Variants in NIPBL observed in about 807,000 individuals in gnomAD.
NIPBL encodes NIPBL cohesin loading factor, also known as nipped-B-like protein.
In NIPBL, 19 loss-of-function variants were observed where a neutral mutation model predicts 321.8. That is an observed-to-expected ratio of 0.06 (90% CI 0.04 to 0.09). NIPBL has a LOEUF of 0.09. Among genes scored for constraint, NIPBL ranks in the 10% least tolerant of loss-of-function variants. The pLI is 1.00. For synonymous variants in NIPBL, 1,106 were observed against 1,114.1 expected, an observed-to-expected ratio of 0.99 and a Z score of 0.14; for missense variants, 2,210 against 3,327.0, an observed-to-expected ratio of 0.66 and a Z score of 8.26.
intron 3 of NIPBL, among the ~76,000 whole-genome samples, chr5:36,957,288 A>G (rs998350865): frequency 2.6e-5 from 4 of 152,166 alleles, no homozygotes; most frequent in Admixed American, 2.0e-4. Flanking sequence ...GCACCATGAC[A>G]TTATTTGAGA....
intron 45 of NIPBL, among the ~76,000 whole-genome samples, chr5:37,061,481 C>T (rs542532480): frequency 6.6e-6 from 1 of 152,210 alleles, no homozygotes; most frequent in East Asian, 1.9e-4. Context: ...AGTTTGAGAC[C>T]AGCCTGGGCA....
intron 4 of NIPBL, among the ~76,000 whole-genome samples, chr5:36,960,544 C>G (rs1370907619): frequency 6.6e-6 from 1 of 152,138 alleles, no homozygotes; most frequent in Non-Finnish European, 1.5e-5. Context: ...GATTTTGAAA[C>G]CTAATTTCAT....
chr5:36,938,197 C>A (rs1297244966), intron 1 of NIPBL, among the ~76,000 whole-genome samples: 1 of 152,044 alleles, frequency 6.6e-6, no homozygotes, highest in Admixed American at 6.6e-5. Context: ...TCCAAAAGAC[C>A]ATGTCCAGCC....
intron 42 of NIPBL, among the ~76,000 whole-genome samples, chr5:37,055,215 A>G (rs1753971211): frequency 6.6e-6 from 1 of 151,976 alleles, no homozygotes; most frequent in African/African-American, 2.4e-5. Flanking sequence ...GCCAGGCATG[A>G]TGGCGCGCAC....
chr5:37,064,438 T>C (rs1755184384), intron 46 of NIPBL, 89 bp from the exon 47 acceptor site: 5 of 1,587,226 alleles, frequency 3.2e-6, no homozygotes, highest in African/African-American at 1.3e-5. Context: ...ACTCCCGGCG[T>C]CAAGGGATTA....
chr5:37,028,986 C>G (rs1750642865), intron 32 of NIPBL, among the ~76,000 whole-genome samples: 1 of 152,166 alleles, frequency 6.6e-6, no homozygotes, highest in Non-Finnish European at 1.5e-5. Context: ...AGTTGTTCCT[C>G]TATCCACCAG....
intron 1 of NIPBL, among the ~76,000 whole-genome samples, chr5:36,910,652 A>G (rs1747978749): frequency 6.6e-6 from 1 of 152,100 alleles, no homozygotes; most frequent in Non-Finnish European, 1.5e-5. Context: ...AGCAATTTGT[A>G]CCTCTTTACT....
At chr5:36,984,495 A>AGG (rs1399653744) in intron 9 of NIPBL, among the ~76,000 whole-genome samples, 181 bp from the exon 10 acceptor site, 2 of 152,128 alleles carry the variant, frequency 1.3e-5, no homozygotes, top group Non-Finnish European at 2.9e-5. Context: ...TATTTCTTCA[A>AGG]ACCTTACCTT....
At chr5:36,878,656 T>A (rs1745277101) in intron 1 of NIPBL, among the ~76,000 whole-genome samples, 1 of 152,254 alleles carries the variant, frequency 6.6e-6, no homozygotes, top group African/African-American at 2.4e-5. Context: ...TTGTGGAGGT[T>A]ATTTTTGAGT....
chr5:36,962,218 G>A lies in NIPBL; in HGVS notation c.554G>A (p.Gly185Glu). 2 of 1,614,020 alleles carry A rather than the reference G, an allele frequency of 1.2e-6. No homozygotes were observed. The highest frequency in any genetic ancestry group is 1.7e-6 in the Non-Finnish European group (2 of 1,179,966). ...CCATACGCCCCACAAAGCCCTGCAGGATACATGCCATATTCCCATCCTTCA... is the reference window on the plus strand; with the variant it reads ...CCATACGCCCCACAAAGCCCTGCAGAATACATGCCATATTCCCATCCTTCA... The part of the protein sequence containing the change: ...PSPYAPQSPA[G>E]YMPYSHPSSY... The change falls in exon 6 of 47, where the codon GGA becomes GAA. Residue 185 changes from glycine (G) to glutamate (E), a missense_variant. Coordinates refer to ENST00000282516, the MANE Select transcript of NIPBL (RefSeq NM_133433.4).
chr5:36,923,108 A>G (rs245588), intron 1 of NIPBL, among the ~76,000 whole-genome samples: 1 of 151,856 alleles, frequency 6.6e-6, no homozygotes, highest in African/African-American at 2.4e-5. Context: ...CCAACATACA[A>G]AATTACAAAA....
At chr5:36,954,664 C>A (rs989476276) in intron 2 of NIPBL, among the ~76,000 whole-genome samples, 12 of 152,076 alleles carry the variant, frequency 7.9e-5, no homozygotes, top group Non-Finnish European at 1.5e-4. Flanking sequence ...TTCCAGGAAG[C>A]CCTGTTCATT....
chr5:37,043,039 TG>T (rs1752607927), intron 34 of NIPBL, among the ~76,000 whole-genome samples: 1 of 152,116 alleles, frequency 6.6e-6, no homozygotes, highest in Non-Finnish European at 1.5e-5. Context: ...AGTCTCTACC[TG>T]TTTTTTTAAA....
intron 9 of NIPBL, 51 bp from the exon 10 acceptor site, chr5:36,984,620 AATAAG>A (rs1192517638): frequency 2.0e-6 from 3 of 1,490,798 alleles, no homozygotes; most frequent in African/African-American, 1.4e-5. Context: ...TAGGGTTTTT[AATAAG>A]ATAAGAATAC....
chr5:37,051,698 A>T (rs2149741276), intron 40 of NIPBL, 81 bp from the exon 41 acceptor site: 2 of 883,428 alleles, frequency 2.3e-6, no homozygotes, highest in African/African-American at 3.3e-5. Flanking sequence ...TATATCTCAG[A>T]TATATGAAAA....
chr5:37,007,436 C>T lies in NIPBL; in HGVS notation c.4201C>T (p.Leu1401=). The T allele has an allele frequency of 6.2e-7, 1 of 1,611,558 alleles. No homozygotes were observed. The stretch of plus-strand genomic sequence containing the variant: ...CATTGTTAGCAGCTTATCAGAATTG[C>T]TAGAGATACAACTTCTTACAGACAC... ...CDIVSSLSEL[L]EIQLLTDTTI... is the part of the protein sequence containing the mutation. Residue 1401 remains leucine, a synonymous_variant, in exon 18 of 47, where the codon CTA becomes TTA. Transcript: ENST00000282516.
At chr5:36,880,672 A>AT (rs2149514204) in intron 1 of NIPBL, among the ~76,000 whole-genome samples, 2 of 152,192 alleles carry the variant, frequency 1.3e-5, no homozygotes, top group African/African-American at 4.8e-5. Flanking sequence ...TTTGGTGGTA[A>AT]TTTATGGTCT....
At chr5:36,991,908 GTT>G (rs1012620896) in intron 10 of NIPBL, among the ~76,000 whole-genome samples, 11 of 151,890 alleles carry the variant, frequency 7.2e-5, no homozygotes, top group African/African-American at 2.4e-4. Flanking sequence ...TTGTTTTCCT[GTT>G]TTAAAAAGAA....
At position 36,985,705 on chromosome 5, in the gene NIPBL, G is replaced by A. The variant is rs1188866520; in HGVS notation, c.2525G>A (p.Arg842Lys). 1.9e-6 allele frequency: 3 copies of A among 1,613,710 alleles called. No individual in the cohort carries two copies. The African/African-American group carries it at 4.0e-5, about 22-fold the overall frequency. ...RHRGDQSRVR[R>K]PETLRSSSRN... ...CGAGGGGATCAGTCTAGGGTTCGAA[G>A]ACCAGAAACATTGAGATCCTCTAGT... Residue 842 changes from arginine to lysine, a missense_variant, in exon 10 of 47, where the codon AGA becomes AAA. Coordinates refer to ENST00000282516, the MANE Select transcript of NIPBL (RefSeq NM_133433.4).
Sources: allele counts gnomAD v4.1 joint callset (sites outside exome capture counted in the v4.1 genomes callset), GRCh38; gene constraint gnomAD v4.1.1; transcripts MANE v1.5; gene names NCBI Gene and HGNC (gene_info 2026-07-23, HGNC 2026-07-21).